The following MAP2K5 variants were observed in gnomAD, a reference collection of about 807,000 sequenced individuals.
MAP2K5 encodes mitogen-activated protein kinase kinase 5, also known as dual specificity mitogen-activated protein kinase kinase 5.
Under a neutral mutation model 83.1 loss-of-function variants are expected in MAP2K5, and 49 were observed. That is an observed-to-expected ratio of 0.59 (90% CI 0.47 to 0.75). MAP2K5 has a LOEUF of 0.75. MAP2K5 is among the 30% of genes least tolerant of loss of function. The pLI, the probability that MAP2K5 is intolerant of heterozygous loss-of-function variation, is 0.00. For missense variants in MAP2K5, 457 were observed against 557.5 expected, an observed-to-expected ratio of 0.82 and a Z score of 1.82; for synonymous variants, 202 against 191.8, an observed-to-expected ratio of 1.05 and a Z score of -0.44.
intron 9 of MAP2K5, among the ~76,000 whole-genome samples, chr15:67,631,669 A>T (rs1399878878): frequency 6.6e-6 from 1 of 152,112 alleles, no homozygotes; most frequent in East Asian, 1.9e-4. Context: ...TTCCCATGCA[A>T]TTCATAATTC....
In MAP2K5 at chr15:67,806,590, C is replaced by T. The variant is rs528447404; in HGVS notation, c.1243-56C>T. On this transcript the variant is annotated intron_variant, in intron 21 of 21. Coordinates refer to ENST00000178640, the MANE Select transcript of MAP2K5 (RefSeq NM_145160.3). ...GGCTGAGGGCAGGCCCTGGAAAGTA[C>T]AATGAGCGCGGGAGTCCGAGGACTG... 5.0e-5 allele frequency: 73 copies of T among 1,460,280 alleles called. 2 individuals are homozygous for T. The South Asian group carries it at 8.9e-4, about 18-fold the overall frequency. The allele number at this position is 1,460,280 out of a possible 1,614,324, so 90.5% of individuals were successfully genotyped here.
At position 67,717,964 on chromosome 15, in the gene MAP2K5, G is replaced by T. The variant is rs2088866263; in HGVS notation, c.1045-9952G>T. ...AACAACAGGGTCACATTCCAAAAGA[G>T]CATCTTGGGCTGTAGATTCTTTTAA... On this transcript the variant is annotated intron_variant, in intron 16 of 21. Transcript: ENST00000178640. The surrounding 1 kb of genome is among the most constrained non-coding windows in gnomAD (Gnocchi z 4.1). 1 of 152,210 alleles carries T rather than the reference G, an allele frequency of 6.6e-6. No individual in the cohort carries two copies. The highest frequency in any genetic ancestry group is 1.5e-5 in the Non-Finnish European group (1 of 68,046). 9.4% of individuals were successfully genotyped at this position (152,210 alleles called of 1,614,324 possible).
In MAP2K5 at chr15:67,805,850, C is replaced by T. The variant is rs137962712; in HGVS notation, c.1243-796C>T. ...TTCACCTCTGACTGTGGCCTGGTAA[C>T]CCTGGGGTTGTCCCTGCTTTTTTCT... On this transcript the variant is annotated intron_variant, in intron 21 of 21. Coordinates refer to ENST00000178640, the MANE Select transcript of MAP2K5 (RefSeq NM_145160.3). 2.8e-3 allele frequency among the ~76,000 whole-genome samples: 429 copies of T among 152,298 alleles called. 3 individuals are homozygous for T. Among genetic ancestry groups the T allele is most frequent in the African/African-American group, 0.01 (417 of 41,562 alleles).
Position 67,586,938 on chromosome 15 carries a change from C to T in MAP2K5, c.431+25C>T, listed in dbSNP as rs1393571001. Reference sequence around the variant, plus strand: ...GGTGCGAGCGAGCAAGTAAAGTGTGCCCTTGATGTGATTTATCTACAGAGT... The same window carrying T: ...GGTGCGAGCGAGCAAGTAAAGTGTGTCCTTGATGTGATTTATCTACAGAGT... On this transcript the variant is annotated intron_variant, in intron 6 of 21. Transcript: ENST00000178640. 2.0e-5 allele frequency: 32 copies of T among 1,612,264 alleles called. No homozygotes were observed. The Admixed American group carries it at 5.2e-4, about 26-fold the overall frequency.
At chr15:67,613,935 G>A (rs565654020) in intron 8 of MAP2K5, among the ~76,000 whole-genome samples, 42 of 151,940 alleles carry the variant, frequency 2.8e-4, no homozygotes, top group African/African-American at 9.2e-4. Context: ...TTAGTAAATT[G>A]TACCCCAGTG....
chr15:67,658,803 C>T (rs1057234950), intron 12 of MAP2K5, 189 bp downstream of exon 12: 3 of 635,806 alleles, frequency 4.7e-6, no homozygotes, highest in East Asian at 3.1e-5. Flanking sequence ...CATAGTCACA[C>T]GCTTATGTGC....
At chr15:67,623,007 T>C (rs4776951) in intron 8 of MAP2K5, among the ~76,000 whole-genome samples, 152,291 of 152,318 alleles carry the variant, frequency 1, 76,132 homozygotes, top group Non-Finnish European at 1. Flanking sequence ...GAGGCTGAGG[T>C]GGGAGTATGG....
intron 8 of MAP2K5, among the ~76,000 whole-genome samples, chr15:67,606,922 A>G (rs1013331307): frequency 2.0e-5 from 3 of 152,226 alleles, no homozygotes; most frequent in African/African-American, 7.2e-5. Context: ...AGTACCCAGA[A>G]AACCTTGACT....
At position 67,793,118 on chromosome 15, in the gene MAP2K5, T is replaced by A. The variant is rs1204191080; in HGVS notation, c.1243-13528T>A. Among the ~76,000 whole-genome samples the A allele has an allele frequency of 6.6e-6, 1 of 152,230 alleles. No homozygotes were observed. The highest frequency in any genetic ancestry group is 1.5e-5 in the Non-Finnish European group (1 of 68,034). ...GCTCTATCCTCTTAAACAGATTACA[T>A]GCATCAGGATTTAATTTTTTACAAA... On this transcript the variant is annotated intron_variant, in intron 21 of 21. Coordinates refer to ENST00000178640, the MANE Select transcript of MAP2K5 (RefSeq NM_145160.3). This position sits in a 1 kb window ranked among gnomAD's most constrained non-coding sequence, Gnocchi z 4.6.
intron 17 of MAP2K5, among the ~76,000 whole-genome samples, chr15:67,737,389 A>T (rs973344331): frequency 2.0e-5 from 3 of 152,230 alleles, no homozygotes; most frequent in Non-Finnish European, 4.4e-5. Context: ...CAAGTTAAAA[A>T]GGGGACAGAC....
chr15:67,571,217 C>G (rs1202258613), intron 3 of MAP2K5, among the ~76,000 whole-genome samples: 1 of 152,066 alleles, frequency 6.6e-6, no homozygotes, highest in Non-Finnish European at 1.5e-5. Flanking sequence ...TTTTTTTCCC[C>G]CAGAAAATTC....
intron 8 of MAP2K5, among the ~76,000 whole-genome samples, chr15:67,613,862 T>C (rs1320658757): frequency 1.3e-5 from 2 of 152,132 alleles, no homozygotes; most frequent in Non-Finnish European, 2.9e-5. Flanking sequence ...ATGGCTCACT[T>C]TTCAGAGGTG....
rs1434026330 is a variant in MAP2K5, at chr15:67,769,757, C to A, written c.1196+94C>A. 6.0e-5 allele frequency: 76 copies of A among 1,276,992 alleles called. No homozygotes were observed. 79.1% of individuals were successfully genotyped at this position (1,276,992 alleles called of 1,614,324 possible). The stretch of plus-strand genomic sequence containing the variant: ...TGAGACCTTATGGCTCTCCCTGCAT[C>A]CTTTTGGAGACAGGAGGGACTTCGG... On this transcript the variant is annotated intron_variant, in intron 20 of 21. Transcript: ENST00000178640. The surrounding 1 kb of genome is among the most constrained non-coding windows in gnomAD (Gnocchi z 5.2).
intron 17 of MAP2K5, among the ~76,000 whole-genome samples, chr15:67,734,842 A>G (rs1348903177): frequency 6.6e-6 from 1 of 152,184 alleles, no homozygotes; most frequent in South Asian, 2.1e-4. Flanking sequence ...ATCAAGGAAA[A>G]AATAGCAATG....
intron 13 of MAP2K5, among the ~76,000 whole-genome samples, chr15:67,683,177 A>G (rs1296666081): frequency 6.6e-6 from 1 of 152,186 alleles, no homozygotes; most frequent in Non-Finnish European, 1.5e-5. Context: ...CATGTTTTAA[A>G]TGAAACCTTG....
chr15:67,566,341 A>G (rs1357881643), intron 3 of MAP2K5, among the ~76,000 whole-genome samples: 1 of 151,934 alleles, frequency 6.6e-6, no homozygotes, highest in Non-Finnish European at 1.5e-5. Flanking sequence ...CGCACGGCTA[A>G]TTTTTGTACT....
intron 7 of MAP2K5, among the ~76,000 whole-genome samples, chr15:67,599,070 G>T (rs1272314463): frequency 6.6e-6 from 1 of 152,162 alleles, no homozygotes; most frequent in Admixed American, 6.5e-5. Context: ...TGCTAGTTTA[G>T]CATCTCGTCA....
At chr15:67,694,074 T>C (rs1039456449) in intron 15 of MAP2K5, among the ~76,000 whole-genome samples, 1 of 152,192 alleles carries the variant, frequency 6.6e-6, no homozygotes, top group African/African-American at 2.4e-5. Context: ...TAGTTGTTAT[T>C]CATGCCTATT....
chr15:67,707,369 A>G (rs751750262), intron 16 of MAP2K5, among the ~76,000 whole-genome samples: 2 of 152,372 alleles, frequency 1.3e-5, no homozygotes, highest in East Asian at 1.9e-4. Context: ...TAAAATCACT[A>G]TAGACAGAAG....
Sources: gnomAD v4.1 joint callset for allele counts (sites outside exome capture counted in the v4.1 genomes callset) on GRCh38, gnomAD v4.1.1 for gene constraint, Gnocchi (gnomAD v3.1) non-coding constraint, MANE v1.5 for transcripts, NCBI Gene and HGNC (gene_info 2026-07-23, HGNC 2026-07-21) for gene names.